Variants in TTN observed in about 807,000 individuals in gnomAD.
TTN encodes the protein connectin.
Under a neutral mutation model 3,223.0 loss-of-function variants are expected in TTN, and 1,525 were observed. That is an observed-to-expected ratio of 0.47 (90% confidence interval 0.45 to 0.49). The LOEUF is 0.49. Among genes scored for constraint, TTN ranks in the 20% least tolerant of loss-of-function variants. The pLI, the probability that TTN is intolerant of heterozygous loss-of-function variation, is 0.00. For synonymous variants in TTN, 14,094 were observed against 15,161.0 expected (o/e 0.93, Z 5.17); for missense variants, 40,786 against 43,424.0 (o/e 0.94, Z 5.40).
intron 330 of TTN, chr2:178,555,600 C>T (rs1049894168): frequency 1.2e-5 from 2 of 163,258 alleles, no homozygotes; most frequent in African/African-American, 4.8e-5. Context: ...TCTCTACCCA[C>T]AGAGCTACAT....
In TTN at chr2:178,572,741, C is replaced by T. The variant is rs750056949; in HGVS notation, c.73391G>A (p.Arg24464Gln). 33 of 1,613,332 alleles carry T rather than the reference C, an allele frequency of 2.0e-5. No homozygotes were observed. Among genetic ancestry groups the T allele is most frequent in the African/African-American group, 1.1e-4 (8 of 74,844 alleles). The change falls in exon 326 of 363, where the codon CGG becomes CAG. Residue 24464 changes from arginine (R) to glutamine (Q), a missense_variant. Physicochemically the swap from Arg to Gln is conservative, Grantham distance 43. Coordinates refer to ENST00000589042, the MANE Select transcript of TTN (RefSeq NM_001267550.2). ...GRPAPEVKWA[R>Q]DHGESLDKAS... is the part of the protein sequence containing the mutation. ...TTTATCTAAAGATTCTCCATGGTCCCGGGCCCACTTCACCTCAGGTGCAGG... is the reference window on the plus strand; with the variant it reads ...TTTATCTAAAGATTCTCCATGGTCCTGGGCCCACTTCACCTCAGGTGCAGG...
Position 178,702,507 on chromosome 2 carries a change from T to A in TTN, c.30380A>T (p.Asn10127Ile), listed in dbSNP as rs756843499. 1.9e-6 allele frequency: 3 copies of A among 1,613,846 alleles called. No homozygotes were observed. Among genetic ancestry groups the A allele is most frequent in the Non-Finnish European group, 2.5e-6 (3 of 1,179,880 alleles). ...GGTCATATAATGGCAGCGGCCATCA[T>A]TCCTGAAGTTGTATTTCTGGCTCTC... Reference protein sequence around the residue: ...LTESQKYNFRNDGRCHYMTIH... With the variant: ...LTESQKYNFRIDGRCHYMTIH... The change falls in exon 107 of 363, where the codon AAT becomes ATT. Residue 10127 changes from asparagine to isoleucine, a missense_variant. Asn to Ile is a moderately radical substitution (Grantham distance 149). Transcript: ENST00000589042.
chr2:178,665,663 A>G (rs2065803903), intron 164 of TTN, 45 bp downstream of exon 164: 3 of 1,281,110 alleles, frequency 2.3e-6, no homozygotes, highest in Admixed American at 6.5e-5. Flanking sequence ...TGTACATGCT[A>G]AGCACTCTAA....
intron 132 of TTN, 93 bp downstream of exon 132, chr2:178,684,235 AAC>A: frequency 7.1e-7 from 1 of 1,416,852 alleles, no homozygotes; most frequent in Non-Finnish European, 9.7e-7. Flanking sequence ...CATCAACAAC[AAC>A]AACAACAACA....
At chr2:178,700,998 C>T (rs2074864318) in intron 111 of TTN, 122 bp downstream of exon 111, 1 of 735,570 alleles carries the variant, frequency 1.4e-6, no homozygotes, top group Non-Finnish European at 2.2e-6. Context: ...AAGTAATTTA[C>T]ATTTTGAAAG....
At position 178,571,892 on chromosome 2, in the gene TTN, A is replaced by C; in HGVS notation, c.74240T>G (p.Val24747Gly). Residue 24747 changes from valine (V) to glycine (G), a missense_variant, in exon 326 of 363, where the codon GTA becomes GGA. By Grantham distance (109) the Val-to-Gly change is moderately radical. Coordinates refer to ENST00000589042, the MANE Select transcript of TTN (RefSeq NM_001267550.2). ...VPFIGRPTPA[V>G]TWHKDNVPLK... Reference sequence around the variant, plus strand: ...TGGTACATTATCTTTATGCCAGGTTACAGCTGGGGTAGGGCGGCCAATGAA... The same window carrying C: ...TGGTACATTATCTTTATGCCAGGTTCCAGCTGGGGTAGGGCGGCCAATGAA... 6.2e-7 allele frequency: 1 copy of C among 1,613,438 alleles called. No homozygotes were observed. Among genetic ancestry groups the C allele is most frequent in the Non-Finnish European group, 8.5e-7 (1 of 1,179,572 alleles).
chr2:178,601,479 A>G lies in TTN; in HGVS notation c.55518T>C (p.Asp18506=), dbSNP rs1366995927. The G allele has an allele frequency of 6.2e-7, 1 of 1,613,042 alleles. No homozygotes were observed. Among genetic ancestry groups the G allele is most frequent in the African/African-American group, 1.3e-5 (1 of 74,986 alleles). Residue 18506 remains aspartate (D), a synonymous_variant, in exon 287 of 363, where the codon GAT becomes GAC. Coordinates refer to ENST00000589042, the MANE Select transcript of TTN (RefSeq NM_001267550.2). Reference sequence around the variant, plus strand: ...CATAGCCTTTGATCCTGTCTCCTCCATCGTCGTCTGGCATCTTCCATGAAA... The same window carrying G: ...CATAGCCTTTGATCCTGTCTCCTCCGTCGTCGTCTGGCATCTTCCATGAAA... ...CRLSWKMPDD[D]GGDRIKGYVI...
rs1064797274 is a variant in TTN at position 178,537,426 on chromosome 2, G to A, written c.99781C>T (p.Arg33261Cys). 13 of 1,612,412 alleles carry A rather than the reference G, an allele frequency of 8.1e-6. No individual in the cohort carries two copies. Among genetic ancestry groups the A allele is most frequent in the East Asian group, 2.2e-5 (1 of 44,818 alleles). ...TTGTATTTCCCAGCATGAGTCTTAC[G>A]TTGGACATTCTTCATGACAAGATGA... ...YTHLVMKNVQ[R>C]KTHAGKYKVQ... Residue 33261 changes from arginine (R) to cysteine (C), a missense_variant, in exon 355 of 363, where the codon CGT becomes TGT. Physicochemically the swap from Arg to Cys is radical, Grantham distance 180 (BLOSUM62 -3). Transcript: ENST00000589042.
Position 178,735,878 on chromosome 2 carries a change from G to T in TTN, c.14568C>A (p.Asn4856Lys). ...AENKHILELSNLTIQDRGVYS... is the reference protein window; with the variant it reads ...AENKHILELSKLTIQDRGVYS... The stretch of plus-strand genomic sequence containing the variant: ...AAACTCCTCTATCTTGAATGGTAAG[G>T]TTTGAGAGTTCTAAAATGTGTTTGT... Residue 4856 changes from asparagine (N) to lysine (K), a missense_variant, in exon 50 of 363, where the codon AAC becomes AAA. Transcript: ENST00000589042. 1 of 1,613,880 alleles carries T rather than the reference G, an allele frequency of 6.2e-7. No homozygotes were observed. Among genetic ancestry groups the T allele is most frequent in the Non-Finnish European group, 8.5e-7 (1 of 1,179,830 alleles).
rs2087058018 is a variant in TTN at position 178,756,604 on chromosome 2, A to T, written c.10872T>A (p.Ala3624=). The T allele has an allele frequency of 6.2e-7, 1 of 1,613,364 alleles. No individual in the cohort carries two copies. Among genetic ancestry groups the T allele is most frequent in the Admixed American group, 1.7e-5 (1 of 59,968 alleles). The change falls in exon 46 of 363, where the codon GCT becomes GCA. Residue 3624 remains alanine, a synonymous_variant. Transcript: ENST00000589042. ...ACAACTGTGTATCTTGAACAGATGCAGCTGTGTGGATGGAACTTTGAGATA... is the reference window on the plus strand; with the variant it reads ...ACAACTGTGTATCTTGAACAGATGCTGCTGTGTGGATGGAACTTTGAGATA... The part of the protein sequence containing the change: ...ESVSQSSIHT[A]ASVQDTQLCH...
chr2:178,734,439 G>T lies in TTN; in HGVS notation c.15385C>A (p.Leu5129Ile). The change falls in exon 52 of 363, where the codon CTT (leucine) becomes ATT (isoleucine). Residue 5129 changes from leucine (L) to isoleucine (I), a missense_variant. Transcript: ENST00000589042. ...AACGAAAAGATCTCCAGACACACAA[G>T]AGACTTCTGAGAAAACAATCTGTAT... Reference protein sequence around the residue: ...KKYRLFSQKSLVCLEIFSFNS... With the variant: ...KKYRLFSQKSIVCLEIFSFNS... The T allele has an allele frequency of 6.2e-7, 1 of 1,613,726 alleles. No homozygotes were observed. The highest frequency in any genetic ancestry group is 1.3e-5 in the African/African-American group (1 of 75,018).
At position 178,531,762 on chromosome 2, in the gene TTN, G is replaced by A. The variant is rs1318516015; in HGVS notation, c.104853C>T (p.His34951=). The stretch of plus-strand genomic sequence containing the variant: ...GTGTATTTTGGCCACATGGTACCCT[G>A]TGCGAGCGCATTCTCAGTGTGATTC... ...APRITLRMRS[H]RVPCGQNTRF... The change falls in exon 358 of 363, where the codon CAC becomes CAT. Residue 34951 remains histidine (H), a synonymous_variant. Coordinates refer to ENST00000589042, the MANE Select transcript of TTN (RefSeq NM_001267550.2). The A allele has an allele frequency of 6.2e-7, 1 of 1,614,024 alleles. No homozygotes were observed. Among genetic ancestry groups the A allele is most frequent in the Admixed American group, 1.7e-5 (1 of 60,022 alleles).
At chr2:178,538,382 C>T (rs1191416041) in intron 354 of TTN, 158 bp downstream of exon 354, 2 of 686,068 alleles carry the variant, frequency 2.9e-6, no homozygotes, top group African/African-American at 3.6e-5. Context: ...GAATGGTTTC[C>T]TGTAGAACTT....
rs1316768329 is a variant in TTN at position 178,721,870 on chromosome 2, C to G, written c.22793G>C (p.Cys7598Ser). The G allele has an allele frequency of 6.2e-7, 1 of 1,611,724 alleles. No individual in the cohort carries two copies. Among genetic ancestry groups the G allele is most frequent in the Admixed American group, 1.7e-5 (1 of 59,916 alleles). ...ACCTTTTACACTGAGCTGAGCTGAGCACATGTCTTTGCCAACATCATTGGT... is the reference window on the plus strand; with the variant it reads ...ACCTTTTACACTGAGCTGAGCTGAGGACATGTCTTTGCCAACATCATTGGT... ...QATNDVGKDMCSAQLSVKEPP... is the reference protein window; with the variant it reads ...QATNDVGKDMSSAQLSVKEPP... The change falls in exon 78 of 363, where the codon TGC (cysteine) becomes TCC (serine). Residue 7598 changes from cysteine to serine, a missense_variant. By Grantham distance (112) the Cys-to-Ser change is moderately radical. Coordinates refer to ENST00000589042, the MANE Select transcript of TTN (RefSeq NM_001267550.2).
rs189818369 is a variant in TTN, at chr2:178,594,372, G to C, written c.58122C>G (p.Thr19374=). 1.2e-4 allele frequency: 190 copies of C among 1,596,910 alleles called. No individual in the cohort carries two copies. The East Asian group carries it at 1.6e-3, about 13-fold the overall frequency. The change falls in exon 296 of 363, where the codon ACC becomes ACG. Residue 19374 remains threonine, a synonymous_variant. Transcript: ENST00000589042. ...GCTCATCCTTGCAAGTAATTGGTTT[G>C]GTGCAAAATGATGGTTTGCCTTGTC... ...IVGQGKPSFC[T]KPITCKDELA... is the part of the protein sequence containing the mutation.
chr2:178,601,752 A>T lies in TTN; in HGVS notation c.55338T>A (p.Ile18446=), dbSNP rs780653379. 1.2e-6 allele frequency: 2 copies of T among 1,607,750 alleles called. No homozygotes were observed. Among genetic ancestry groups the T allele is most frequent in the East Asian group, 4.5e-5 (2 of 44,656 alleles). The change falls in exon 286 of 363, where the codon ATT becomes ATA. Residue 18446 remains isoleucine (I), a synonymous_variant. Coordinates refer to ENST00000589042, the MANE Select transcript of TTN (RefSeq NM_001267550.2). ...ETAENSSVII[I]PECKRSHTGK... ...CTGTATGAGATCGTTTACACTCCGG[A>T]ATAATAATTACTGAGGAGTTTTCAG...
Position 178,620,849 on chromosome 2 carries a change from A to T in TTN, c.45761T>A (p.Ile15254Asn), listed in dbSNP as rs2058156310. 1 of 1,612,240 alleles carries T rather than the reference A, an allele frequency of 6.2e-7. No individual in the cohort carries two copies. Among genetic ancestry groups the T allele is most frequent in the Admixed American group, 1.7e-5 (1 of 59,866 alleles). The change falls in exon 247 of 363, where the codon ATC becomes AAC. Residue 15254 changes from isoleucine to asparagine, a missense_variant. Physicochemically the swap from Ile to Asn is moderately radical, Grantham distance 149. Transcript: ENST00000589042. ...GTAGACTAGGTCTTTTTGGAGAATGATGTATTTTGAACTATCAAATATAGC... is the reference window on the plus strand; with the variant it reads ...GTAGACTAGGTCTTTTTGGAGAATGTTGTATTTTGAACTATCAAATATAGC... ...EEAIFDSSKYIILQKDLVYTL... is the reference protein window; with the variant it reads ...EEAIFDSSKYNILQKDLVYTL...
chr2:178,732,702 T>C lies in TTN; in HGVS notation c.16359A>G (p.Val5453=), dbSNP rs529395458. 1 of 1,595,840 alleles carries C rather than the reference T, an allele frequency of 6.3e-7. No individual in the cohort carries two copies. Among genetic ancestry groups the C allele is most frequent in the African/African-American group, 1.3e-5 (1 of 74,196 alleles). Residue 5453 remains valine, a synonymous_variant, in exon 56 of 363, where the codon GTA becomes GTG. Transcript: ENST00000589042. ...ALIVQEPPSF[V]TKPGSKDVLP... is the part of the protein sequence containing the mutation. ...GAACATCCTTTGAGCCGGGTTTAGT[T>C]ACAAAACTGGGTGGTTCTGAAGAAG... is the stretch of plus-strand genomic sequence containing the variant.
Position 178,678,844 on chromosome 2 carries a change from A to C in TTN, c.33743-14T>G, listed in dbSNP as rs2154269351. 1 of 1,577,904 alleles carries C rather than the reference A, an allele frequency of 6.3e-7. No homozygotes were observed. The highest frequency in any genetic ancestry group is 8.6e-7 in the Non-Finnish European group (1 of 1,167,602). On this transcript the variant is annotated splice_polypyrimidine_tract_variant and intron_variant, in intron 142 of 362. Coordinates refer to ENST00000589042, the MANE Select transcript of TTN (RefSeq NM_001267550.2). ...GCACTTCAGGAACTTCAAAGATATC[A>C]AATAGAGTTAGTGTCACATTTTTTA...
Sources: allele counts gnomAD v4.1 joint callset, GRCh38; gene constraint gnomAD v4.1.1; transcripts MANE v1.5; gene names NCBI Gene and HGNC (gene_info 2026-07-23, HGNC 2026-07-21).